HORMAD2: variants seen among roughly 807,000 people sequenced by gnomAD.
The protein encoded by HORMAD2 is HORMA domain containing 2, also known as HORMA domain-containing protein 2.
Under a neutral mutation model 38.8 loss-of-function variants are expected in HORMAD2, and 45 were observed. That is an observed-to-expected ratio of 1.16 (90% confidence interval 0.91 to 1.49). The LOEUF (loss-of-function observed/expected upper bound fraction) is 1.49, where lower values mean the gene tolerates loss of function less well. HORMAD2 is among the 40% of genes most tolerant of loss of function. HORMAD2 has a pLI of 0.00. For synonymous variants in HORMAD2, 126 were observed against 122.8 expected (o/e 1.03, Z -0.17); for missense variants, 338 against 367.0 (o/e 0.92, Z 0.65).
intron 5 of HORMAD2, 94 bp downstream of exon 5, chr22:30,104,531 C>T: frequency 2.9e-6 from 3 of 1,043,470 alleles, no homozygotes; most frequent in South Asian, 1.4e-5. Flanking sequence ...TTGTGTTTAA[C>T]AGTATAAGTG....
chr22:30,157,076 G>C (rs1259486691), intron 10 of HORMAD2, among the ~76,000 whole-genome samples: 4 of 152,194 alleles, frequency 2.6e-5, no homozygotes, highest in Non-Finnish European at 5.9e-5. Context: ...AGATGCTGTT[G>C]AAGTGCTCTC....
At chr22:30,124,292 CAT>C (rs1555947049) in intron 10 of HORMAD2, among the ~76,000 whole-genome samples, 12 of 148,010 alleles carry the variant, frequency 8.1e-5, no homozygotes, top group East Asian at 2.0e-4. Flanking sequence ...CACACACACA[CAT>C]ACATACATGT....
chr22:30,089,605 C>G (rs1228817220), intron 1 of HORMAD2, among the ~76,000 whole-genome samples: 1 of 152,172 alleles, frequency 6.6e-6, no homozygotes, highest in African/African-American at 2.4e-5. Flanking sequence ...CCCGCCTTGG[C>G]CTCCCAAAGT....
At chr22:30,102,682 C>T (rs779279685) in intron 3 of HORMAD2, among the ~76,000 whole-genome samples, 22 of 152,140 alleles carry the variant, frequency 1.4e-4, no homozygotes, top group Non-Finnish European at 3.2e-4. Context: ...TGGAGTGTGG[C>T]GGCATGATCA....
At chr22:30,113,540 G>A (rs1057515294) in intron 7 of HORMAD2, among the ~76,000 whole-genome samples, 3 of 152,128 alleles carry the variant, frequency 2.0e-5, no homozygotes, top group Admixed American at 1.3e-4. Flanking sequence ...GTCTGGCCCA[G>A]ATTGTGAATT....
the HORMAD2 span, among the ~76,000 whole-genome samples, chr22:30,191,180 A>T: frequency 1.3e-5 from 2 of 152,200 alleles, no homozygotes; most frequent in Non-Finnish European, 2.9e-5. Context: ...CATGAAGAAG[A>T]AGCCAACTCC....
chr22:30,133,793 A>T (rs975359503), intron 10 of HORMAD2, among the ~76,000 whole-genome samples: 1 of 152,190 alleles, frequency 6.6e-6, no homozygotes, highest in East Asian at 1.9e-4. Flanking sequence ...TTTAATATAC[A>T]TGGGAATATG....
chr22:30,179,212 C>T (rs1355616184), downstream of HORMAD2, among the ~76,000 whole-genome samples: 1 of 152,150 alleles, frequency 6.6e-6, no homozygotes, highest in Non-Finnish European at 1.5e-5. Context: ...TAATCATCAT[C>T]ATTTAGAAAG....
At chr22:30,129,180 T>A (rs1923087158) in intron 10 of HORMAD2, among the ~76,000 whole-genome samples, 1 of 119,924 alleles carries the variant, frequency 8.3e-6, no homozygotes, top group Non-Finnish European at 1.6e-5. Context: ...ATCGTGCCAC[T>A]ACACTCCAGC....
intron 10 of HORMAD2, among the ~76,000 whole-genome samples, chr22:30,165,840 A>G (rs533758427): frequency 6.6e-5 from 10 of 152,074 alleles, no homozygotes; most frequent in East Asian, 1.9e-4. Flanking sequence ...ACTGATCCAT[A>G]TATCTACTCT....
rs934719509 is a variant in HORMAD2 at position 30,103,478 on chromosome 22, G to A, written c.235G>A (p.Gly79Arg). The part of the protein sequence containing the change: ...KILREDKKCP[G>R]SLHIIRWIQG... ...CCTCCGAGAAGATAAAAAATGTCCC[G>A]GGTCACTGCATATTATCAGATGGTA... Residue 79 changes from glycine (G) to arginine (R), a missense_variant, in exon 4 of 11, where the codon GGG (glycine) becomes AGG (arginine). By Grantham distance (125) the Gly-to-Arg change is moderately radical. Coordinates refer to ENST00000336726, the MANE Select transcript of HORMAD2 (RefSeq NM_152510.4). 1.4e-5 allele frequency: 22 copies of A among 1,531,246 alleles called. No individual in the cohort carries two copies. Among genetic ancestry groups the A allele is most frequent in the African/African-American group, 2.8e-5 (2 of 72,262 alleles). The allele number at this position is 1,531,246 out of a possible 1,614,324, so 94.9% of individuals were successfully genotyped here. A position where few individuals can be genotyped will look rare whatever the true frequency, so the allele number is the denominator to read the frequency against.
chr22:30,151,750 GA>G (rs200230439), intron 10 of HORMAD2, among the ~76,000 whole-genome samples: 3 of 151,684 alleles, frequency 2.0e-5, no homozygotes, highest in East Asian at 1.9e-4. Context: ...CTCAGTTTAG[GA>G]AAAAAAATAT....
At chr22:30,172,755 G>A (rs1926189455) in intron 10 of HORMAD2, among the ~76,000 whole-genome samples, 1 of 152,120 alleles carries the variant, frequency 6.6e-6, no homozygotes, top group Non-Finnish European at 1.5e-5. Context: ...GGGCGTGGTG[G>A]CGGGTACCTG....
intron 5 of HORMAD2, among the ~76,000 whole-genome samples, chr22:30,110,923 C>T (rs1921587830): frequency 6.6e-6 from 1 of 151,616 alleles, no homozygotes; most frequent in Non-Finnish European, 1.5e-5. Context: ...TTTGGGAGGC[C>T]GAGGTGGGTG....
intron 10 of HORMAD2, among the ~76,000 whole-genome samples, chr22:30,145,087 G>A (rs1013196686): frequency 7.2e-5 from 11 of 152,142 alleles, no homozygotes; most frequent in African/African-American, 2.2e-4. Context: ...ATTCTTGAAC[G>A]GAGGCTTCTT....
At chr22:30,205,317 C>T in the HORMAD2 span, among the ~76,000 whole-genome samples, 2 of 152,148 alleles carry the variant, frequency 1.3e-5, no homozygotes, top group Non-Finnish European at 2.9e-5. Context: ...AACCACAGCG[C>T]TCTCCTGCTG....
chr22:30,158,595 TTCCCTCCCTCCCTCCG>T (rs1320962140), intron 10 of HORMAD2, among the ~76,000 whole-genome samples: 1 of 96,068 alleles, frequency 1.0e-5, no homozygotes, highest in Non-Finnish European at 1.9e-5. Context: ...CCTTCCTTCC[TTCCCTCCCTCCCTCCG>T]TCCCTCCCTC....
intron 3 of HORMAD2, among the ~76,000 whole-genome samples, chr22:30,099,490 C>T (rs1920929406): frequency 6.6e-6 from 1 of 152,080 alleles, no homozygotes; most frequent in Admixed American, 6.6e-5. Flanking sequence ...TCTCAATTGC[C>T]AGGTCTTCTA....
At chr22:30,104,370 C>T in intron 4 of HORMAD2, 31 bp from the exon 5 acceptor site, 1 of 1,593,608 alleles carries the variant, frequency 6.3e-7, no homozygotes, top group Admixed American at 1.7e-5. Flanking sequence ...GCATATGGTC[C>T]AATTGACATC....
Sources: allele counts gnomAD v4.1 joint callset (sites outside exome capture counted in the v4.1 genomes callset), GRCh38; gene constraint gnomAD v4.1.1; transcripts MANE v1.5; gene names NCBI Gene and HGNC (gene_info 2026-07-23, HGNC 2026-07-21).